The following SYNE2 variants were observed in gnomAD, a reference collection of about 807,000 sequenced individuals.
SYNE2 encodes nesprin-2.
SYNE2 carries 431 observed loss-of-function variants against 856.3 expected under a neutral mutation model. That is an observed-to-expected ratio of 0.50 (90% CI 0.47 to 0.55). The LOEUF (loss-of-function observed/expected upper bound fraction) is 0.55, where lower values mean the gene tolerates loss of function less well. Ranked by LOEUF, SYNE2 falls within the 20% of genes least tolerant of loss-of-function variation. The pLI is 0.00. For synonymous variants in SYNE2, 2,923 were observed against 2,872.3 expected, an observed-to-expected ratio of 1.02 and a Z score of -0.56; for missense variants, 8,129 against 8,023.2, an observed-to-expected ratio of 1.01 and a Z score of -0.50.
At chr14:64,146,977 C>T (rs577550173) in intron 84 of SYNE2, among the ~76,000 whole-genome samples, 4 of 152,316 alleles carry the variant, frequency 2.6e-5, no homozygotes, top group South Asian at 2.1e-4. Flanking sequence ...CCACCGTAAG[C>T]GGCCCTTTTC....
chr14:63,995,162 T>C lies in SYNE2; in HGVS notation c.2900T>C (p.Ile967Thr), dbSNP rs1274813668. The stretch of plus-strand genomic sequence containing the variant: ...CAAATAAATAAAGAAAAGAAACTTA[T>C]CCGTAGAGGAAGGACCAAGGGTCTC... ...EKQINKEKKLIRRGRTKGLIK... is the reference protein window; with the variant it reads ...EKQINKEKKLTRRGRTKGLIK... Residue 967 changes from isoleucine to threonine, a missense_variant, in exon 23 of 116, where the codon ATC becomes ACC. By Grantham distance (89) the Ile-to-Thr change is moderately conservative. Transcript: ENST00000555002. The C allele has an allele frequency of 2.5e-6, 4 of 1,606,742 alleles. No homozygotes were observed. The highest frequency in any genetic ancestry group is 1.7e-5 in the Admixed American group (1 of 59,292).
At position 64,137,930 on chromosome 14, in the gene SYNE2, G is replaced by A. The variant is rs2098108458; in HGVS notation, c.14790G>A (p.Lys4930=). 9 of 1,614,058 alleles carry A rather than the reference G, an allele frequency of 5.6e-6. No individual in the cohort carries two copies. The highest frequency in any genetic ancestry group is 6.8e-6 in the Non-Finnish European group (8 of 1,180,040). ...KLEEQWLSLN[K]KIDHELHRLQ... ...AAGAGCAGTGGTTGTCCCTGAACAA[G>A]AAAATTGACCATGAGCTCCACAGGC... Residue 4930 remains lysine, a synonymous_variant, in exon 79 of 116, where the codon AAG becomes AAA. Coordinates refer to ENST00000555002, the MANE Select transcript of SYNE2 (RefSeq NM_182914.3).
In SYNE2 at chr14:63,980,694, C is replaced by T. The variant is rs2096579089; in HGVS notation, c.1610C>T (p.Thr537Ile). ...AAAGAATTCCTAGCTCGACTTGATACTTCTTTTCAAAAATGTGGAGAAATT... is the reference window on the plus strand; with the variant it reads ...AAAGAATTCCTAGCTCGACTTGATATTTCTTTTCAAAAATGTGGAGAAATT... The part of the protein sequence containing the change: ...EEKEFLARLD[T>I]SFQKCGEIYK... The change falls in exon 15 of 116, where the codon ACT becomes ATT. Residue 537 changes from threonine to isoleucine, a missense_variant. Physicochemically the swap from Thr to Ile is moderately conservative, Grantham distance 89. This residue lies in a region of SYNE2 where 2,422 missense variants were observed against 2,357.4 expected (regional missense o/e 1.03). Transcript: ENST00000555002. 3.7e-6 allele frequency: 6 copies of T among 1,607,158 alleles called. No homozygotes were observed. Among genetic ancestry groups the T allele is most frequent in the Non-Finnish European group, 4.3e-6 (5 of 1,174,142 alleles).
chr14:64,002,628 C>A, intron 29 of SYNE2, 92 bp from the exon 30 acceptor site: 1 of 1,412,124 alleles, frequency 7.1e-7, no homozygotes, highest in Admixed American at 2.2e-5. Flanking sequence ...TTTTCTAGAT[C>A]AAATCTAGTC....
At position 64,209,953 on chromosome 14, in the gene SYNE2, G is replaced by A; in HGVS notation, c.18552G>A (p.Arg6184=). 6.2e-7 allele frequency: 1 copy of A among 1,614,128 alleles called. No individual in the cohort carries two copies. The highest frequency in any genetic ancestry group is 8.5e-7 in the Non-Finnish European group (1 of 1,180,034). Residue 6184 remains arginine, a synonymous_variant, in exon 103 of 116, where the codon CGG becomes CGA. Transcript: ENST00000555002. ...EELKRFEAFQ[R]QIHERLTQLE... ...CCCATGTGATGCAGGCCTTTCAGCG[G>A]CAGATTCATGAGCGGCTCACTCAGC...
rs10137972 is a variant in SYNE2, at chr14:64,091,016, A to C, written c.11944A>C (p.Asn3982His). The C allele has an allele frequency of 0.061, 98,270 of 1,613,786 alleles. 3,633 individuals carry two copies. The highest frequency in any genetic ancestry group is 0.16 in the African/African-American group (12,262 of 75,000). The change falls in exon 60 of 116, where the codon AAT (asparagine) becomes CAT (histidine). Residue 3982 changes from asparagine (N) to histidine (H), a missense_variant. Physicochemically the swap from Asn to His is moderately conservative, Grantham distance 68 (BLOSUM62 1). This residue lies in a region of SYNE2 where 5,410 missense variants were observed against 5,284.8 expected (regional missense o/e 1.02). Coordinates refer to ENST00000555002, the MANE Select transcript of SYNE2 (RefSeq NM_182914.3). The part of the protein sequence containing the change: ...QLLQDIKLLE[N>H]VTQEQNELLK... The stretch of plus-strand genomic sequence containing the variant: ...TTTACAAGATATAAAACTATTGGAA[A>C]ATGTGACTCAAGAACAAAATGAGTT...
intron 1 of SYNE2, among the ~76,000 whole-genome samples, chr14:63,881,181 G>T (rs1323220353): frequency 6.6e-6 from 1 of 151,414 alleles, no homozygotes; most frequent in African/African-American, 2.4e-5. Flanking sequence ...TTTTCTGTGT[G>T]TTGGCTAGGC....
intron 45 of SYNE2, among the ~76,000 whole-genome samples, chr14:64,041,927 G>T (rs889747605): frequency 6.6e-6 from 1 of 151,826 alleles, no homozygotes; most frequent in East Asian, 1.9e-4. Context: ...GTAATTCAAT[G>T]TGGAGGATAA....
intron 55 of SYNE2, among the ~76,000 whole-genome samples, chr14:64,079,013 A>C (rs1222629583): frequency 6.6e-6 from 1 of 152,162 alleles, no homozygotes; most frequent in African/African-American, 2.4e-5. Context: ...TGGAGGTTGC[A>C]ATGAGCCGAG....
intron 11 of SYNE2, among the ~76,000 whole-genome samples, chr14:63,969,335 ATTTTTTT>A (rs150514197): frequency 3.7e-5 from 3 of 81,644 alleles, no homozygotes; most frequent in Non-Finnish European, 7.0e-5. Context: ...TGCCTGGCTA[ATTTTTTT>A]TTTTTTTTTT....
At chr14:63,922,577 C>T (rs1035564504) in intron 2 of SYNE2, among the ~76,000 whole-genome samples, 1 of 152,128 alleles carries the variant, frequency 6.6e-6, no homozygotes, top group African/African-American at 2.4e-5. Flanking sequence ...ATAGCTTGAG[C>T]TCAGGAGTTT....
chr14:64,060,527 G>T (rs72718391), intron 49 of SYNE2, among the ~76,000 whole-genome samples: 11,319 of 152,148 alleles, frequency 0.074, 688 homozygotes, highest in African/African-American at 0.17. Flanking sequence ...GCAAGGCAAA[G>T]TCCTCTTTAC....
rs369669657 is a variant in SYNE2 at position 64,132,254 on chromosome 14, C to A, written c.14341-11C>A. On this transcript the variant is annotated splice_polypyrimidine_tract_variant and intron_variant, in intron 76 of 115. Transcript: ENST00000555002. ...TTCAAAGTAAATATTAAAACTTTCT[C>A]CATCTCATAGGTTTTTTTCCAGAAG... 3.7e-6 allele frequency: 6 copies of A among 1,612,606 alleles called. No individual in the cohort carries two copies. The highest frequency in any genetic ancestry group is 1.7e-6 in the Non-Finnish European group (2 of 1,179,970).
intron 106 of SYNE2, 77 bp from the exon 107 acceptor site, chr14:64,215,209 G>A (rs1205375564): frequency 2.4e-6 from 3 of 1,274,144 alleles, no homozygotes. Context: ...AGCTGACAAT[G>A]TTTCTACTGT....
chr14:63,782,463 A>T (rs553425234), intron 1 of SYNE2, among the ~76,000 whole-genome samples: 1 of 102,362 alleles, frequency 9.8e-6, no homozygotes, highest in Non-Finnish European at 2.0e-5. Flanking sequence ...GTGAAACTCC[A>T]TCTCAAAAAA....
At chr14:64,019,077 C>T (rs1375923162) in intron 34 of SYNE2, among the ~76,000 whole-genome samples, 4 of 152,094 alleles carry the variant, frequency 2.6e-5, no homozygotes, top group Non-Finnish European at 5.9e-5. Context: ...TTGAGACCAG[C>T]CTGGCCAACA....
intron 49 of SYNE2, among the ~76,000 whole-genome samples, chr14:64,062,187 A>G (rs1031039926): frequency 6.6e-6 from 1 of 152,178 alleles, no homozygotes; most frequent in Non-Finnish European, 1.5e-5. Flanking sequence ...TCTAAAAGTA[A>G]TGTAATTACT....
Position 63,810,755 on chromosome 14 carries a change from G to A in SYNE2, c.-304-41746G>A, listed in dbSNP as rs78328151. Among the ~76,000 whole-genome samples, 867 of 152,218 alleles carry A rather than the reference G, an allele frequency of 5.7e-3. 5 individuals are homozygous for A. Among genetic ancestry groups the A allele is most frequent in the African/African-American group, 0.019 (801 of 41,538 alleles). Reference sequence around the variant, plus strand: ...CCTGTCTATAGCTTATAGCAATTTAGTAAAGTACTTTTGTAAACGGAATTG... The same window carrying A: ...CCTGTCTATAGCTTATAGCAATTTAATAAAGTACTTTTGTAAACGGAATTG... On this transcript the variant is annotated intron_variant, in intron 1 of 23. Coordinates refer to the SYNE2 transcript ENST00000674003.
At position 64,226,279 on chromosome 14, in the gene SYNE2, TCTAAGAC is replaced by T. The variant is rs1220789751; in HGVS notation, c.*754_*760del. On this transcript the variant is annotated 3_prime_UTR_variant, in exon 116 of 116. Coordinates refer to ENST00000555002, the MANE Select transcript of SYNE2 (RefSeq NM_182914.3). The stretch of plus-strand genomic sequence containing the variant: ...TAGGGATGTTTTTGTAAGTTAATTT[TCTAAGAC>T]TTTTTCACATCCAAAGTGATGCTTT... 6.6e-6 allele frequency: 1 copy of T among 151,784 alleles called. No homozygotes were observed. The highest frequency in any genetic ancestry group is 2.4e-5 in the African/African-American group (1 of 41,106). 9.4% of individuals were successfully genotyped at this position (151,784 alleles called of 1,614,324 possible). A position where few individuals can be genotyped will look rare whatever the true frequency, so the allele number is the denominator to read the frequency against.
Sources: gnomAD v4.1 joint callset for allele counts (sites outside exome capture counted in the v4.1 genomes callset) on GRCh38, gnomAD v4.1.1 for gene constraint, gnomAD v4.1.1 regional missense constraint, MANE v1.5 for transcripts, NCBI Gene and HGNC (gene_info 2026-07-23, HGNC 2026-07-21) for gene names.